The following TMEM26 variants were observed in gnomAD, a reference collection of about 807,000 sequenced individuals.
TMEM26 encodes transmembrane protein 26.
Under a neutral mutation model 28.8 loss-of-function variants are expected in TMEM26, and 38 were observed. The ratio of observed to expected loss-of-function variants is 1.32; its 90% CI spans 1.02 to 1.73. The LOEUF (loss-of-function observed/expected upper bound fraction) is 1.73, where lower values mean the gene tolerates loss of function less well. TMEM26 is among the 40% of genes most tolerant of loss of function. The probability of loss-of-function intolerance (pLI) is 0.00; values close to 1 mark genes in which losing one functional copy is unlikely to be tolerated. For missense variants in TMEM26, 518 were observed against 447.1 expected, an observed-to-expected ratio of 1.16 and a Z score of -1.43; for synonymous variants, 227 against 182.9, an observed-to-expected ratio of 1.24 and a Z score of -1.95.
Position 61,430,705 on chromosome 10 carries a change from C to T in TMEM26, c.384+514G>A, listed in dbSNP as rs570049179. Among the ~76,000 whole-genome samples, 13 of 151,938 alleles carry T rather than the reference C, an allele frequency of 8.6e-5. No individual in the cohort carries two copies. The East Asian group carries it at 9.7e-4, about 11-fold the overall frequency. ...GTGAAATTTGAAATTAAAAACAAAA[C>T]GCCACTTTTATTGGCATCCCCAAAA... On this transcript the variant is annotated intron_variant, in intron 3 of 5. Transcript: ENST00000399298.
At chr10:61,452,366 A>G (rs1403701676) in intron 1 of TMEM26, among the ~76,000 whole-genome samples, 2 of 152,216 alleles carry the variant, frequency 1.3e-5, no homozygotes, top group East Asian at 1.9e-4. Context: ...GCGCGGCTGG[A>G]GGGAAGGGAA....
rs182454392 is a variant in TMEM26 at position 61,431,175 on chromosome 10, C to T, written c.384+44G>A. The T allele has an allele frequency of 2.0e-5, 30 of 1,506,638 alleles. No homozygotes were observed. The East Asian group carries it at 6.6e-4, about 33-fold the overall frequency. The allele number at this position is 1,506,638 out of a possible 1,614,324, so 93.3% of individuals were successfully genotyped here. A position where few individuals can be genotyped will look rare whatever the true frequency, so the allele number is the denominator to read the frequency against. ...AGGTAATTGAGGATTATACCAAGTC[C>T]ACCATTTTCTAGATCCTTTAATAAA... On this transcript the variant is annotated intron_variant, in intron 3 of 5. Transcript: ENST00000399298.
intron 2 of TMEM26, among the ~76,000 whole-genome samples, chr10:61,435,219 G>T (rs1023836854): frequency 2.6e-5 from 4 of 152,132 alleles, no homozygotes; most frequent in Non-Finnish European, 5.9e-5. Context: ...GTTTCTCTCT[G>T]TTGCCAGGCT....
At chr10:61,439,958 GGCCGTGCACAGT>G (rs1840065441) in intron 1 of TMEM26, among the ~76,000 whole-genome samples, 1 of 152,088 alleles carries the variant, frequency 6.6e-6, no homozygotes, top group Admixed American at 6.5e-5. Flanking sequence ...ACCTATATAA[GGCCGTGCACAGT>G]GCCTCATGCC....
Position 61,427,119 on chromosome 10 carries a change from C to T in TMEM26, c.605+1807G>A, listed in dbSNP as rs574509532. On this transcript the variant is annotated intron_variant, in intron 4 of 5. Coordinates refer to ENST00000399298, the MANE Select transcript of TMEM26 (RefSeq NM_178505.8). The stretch of plus-strand genomic sequence containing the variant: ...GAAAATTGAAAACAAATTTTAAAAA[C>T]ATTAACCAATAAAAACTATGACATA... Among the ~76,000 whole-genome samples, 26 of 152,104 alleles carry T rather than the reference C, an allele frequency of 1.7e-4. No individual in the cohort carries two copies. The East Asian group carries it at 5.0e-3, about 29-fold the overall frequency.
intron 5 of TMEM26, among the ~76,000 whole-genome samples, chr10:61,411,481 T>A (rs538301985): frequency 6.6e-6 from 1 of 152,350 alleles, no homozygotes; most frequent in South Asian, 2.1e-4. Context: ...GTTTACACAC[T>A]CAAGCGTGTG....
intron 1 of TMEM26, among the ~76,000 whole-genome samples, chr10:61,438,313 C>A (rs1347926751): frequency 1.3e-5 from 2 of 152,094 alleles, no homozygotes; most frequent in Admixed American, 6.6e-5. Flanking sequence ...GAACAATTAA[C>A]TTTTTGACCT....
chr10:61,416,027 T>C lies in TMEM26; in HGVS notation c.606-2492A>G, dbSNP rs564456759. 13 of 437,724 alleles carry C rather than the reference T, an allele frequency of 3.0e-5. No homozygotes were observed. In the East Asian group the frequency reaches 5.0e-4, roughly 17 times the overall value. 27.1% of individuals were successfully genotyped at this position (437,724 alleles called of 1,614,324 possible). A position where few individuals can be genotyped will look rare whatever the true frequency, so the allele number is the denominator to read the frequency against. ...TGTGAGAATTCAAATTTCATCACAA[T>C]AGAGGAAAGTAGTTTCTAATAATAT... is the stretch of plus-strand genomic sequence containing the variant. On this transcript the variant is annotated intron_variant, in intron 4 of 5. Transcript: ENST00000399298.
chr10:61,417,652 T>A (rs996400165), intron 4 of TMEM26, among the ~76,000 whole-genome samples: 1 of 152,012 alleles, frequency 6.6e-6, no homozygotes, highest in African/African-American at 2.4e-5. Context: ...GTCTCCTTTG[T>A]ATGGTCAAGT....
chr10:61,431,479 A>G, intron 2 of TMEM26, 147 bp from the exon 3 acceptor site: 2 of 542,596 alleles, frequency 3.7e-6, no homozygotes, highest in Non-Finnish European at 6.4e-6. Context: ...AAATCGGAAT[A>G]TAGGCCTGAG....
intron 4 of TMEM26, among the ~76,000 whole-genome samples, chr10:61,418,245 A>C (rs769671987): frequency 5.2e-4 from 79 of 152,044 alleles, no homozygotes; most frequent in Non-Finnish European, 1.0e-3. Flanking sequence ...GTTAGGATGG[A>C]GGTTGGTCAA....
intron 4 of TMEM26, among the ~76,000 whole-genome samples, chr10:61,427,345 C>T (rs6479763): frequency 0.041 from 6,296 of 151,998 alleles, 163 homozygotes; most frequent in African/African-American, 0.061. Context: ...GACTGTGTGT[C>T]CTTTTACTAA....
intron 1 of TMEM26, among the ~76,000 whole-genome samples, chr10:61,442,194 A>T (rs1840106472): frequency 6.6e-6 from 1 of 152,164 alleles, no homozygotes; most frequent in Non-Finnish European, 1.5e-5. Context: ...TCATTTCAAC[A>T]AATTATAATG....
intron 1 of TMEM26, among the ~76,000 whole-genome samples, chr10:61,450,231 A>G (rs922121737): frequency 1.2e-4 from 18 of 152,288 alleles, no homozygotes; most frequent in Non-Finnish European, 2.4e-4. Context: ...ATTTTTCTAT[A>G]TAGAGGTATA....
chr10:61,427,905 G>A (rs545953796), intron 4 of TMEM26, among the ~76,000 whole-genome samples: 15 of 151,932 alleles, frequency 9.9e-5, no homozygotes, highest in Non-Finnish European at 1.5e-4. Context: ...TTAAAACTAC[G>A]GAACTAAAAT....
intron 1 of TMEM26, among the ~76,000 whole-genome samples, chr10:61,450,409 A>C (rs1245743021): frequency 1.3e-5 from 2 of 152,158 alleles, no homozygotes; most frequent in Non-Finnish European, 2.9e-5. Flanking sequence ...CATTGTTAAC[A>C]TATTATTTCA....
At chr10:61,422,778 G>T (rs1417341337) in intron 4 of TMEM26, among the ~76,000 whole-genome samples, 1 of 151,926 alleles carries the variant, frequency 6.6e-6, no homozygotes, top group Non-Finnish European at 1.5e-5. Context: ...AAAAAGAAGA[G>T]AAAATTAAAT....
intron 1 of TMEM26, chr10:61,452,644 C>A (rs1589050031): frequency 8.2e-6 from 4 of 488,796 alleles, no homozygotes; most frequent in Non-Finnish European, 1.5e-5. Flanking sequence ...AGTTTCCAAA[C>A]CTGAGACTGG....
chr10:61,415,261 G>T, intron 4 of TMEM26: 1 of 571,032 alleles, frequency 1.8e-6, no homozygotes, highest in Non-Finnish European at 2.2e-6. Context: ...TGAGTCCACA[G>T]TATGACATGA....
Sources: gnomAD v4.1 joint callset for allele counts (sites outside exome capture counted in the v4.1 genomes callset) on GRCh38, gnomAD v4.1.1 for gene constraint, MANE v1.5 for transcripts, NCBI Gene and HGNC (gene_info 2026-07-23, HGNC 2026-07-21) for gene names.